CDH23: variants seen among roughly 807,000 people sequenced by gnomAD.
CDH23 encodes cadherin related 23.
In CDH23, 189 loss-of-function variants were observed where a neutral mutation model predicts 317.1. The observed-to-expected ratio is 0.60, with a 90% confidence interval of 0.53 to 0.67. The LOEUF (loss-of-function observed/expected upper bound fraction) is 0.67. Ranked by LOEUF, CDH23 falls within the 30% of genes least tolerant of loss-of-function variation. CDH23 has a pLI of 0.00. For missense variants in CDH23, 4,401 were observed against 4,592.4 expected (o/e 0.96, Z 1.20); for synonymous variants, 1,839 against 1,876.8 (o/e 0.98, Z 0.52).
intron 7 of CDH23, among the ~76,000 whole-genome samples, chr10:71,570,045 T>A (rs1238838006): frequency 6.6e-6 from 1 of 152,094 alleles, no homozygotes; most frequent in African/African-American, 2.4e-5. Flanking sequence ...GGACTACAGA[T>A]GCATCGTTGA....
chr10:71,635,467 C>T (rs921425024), intron 11 of CDH23, among the ~76,000 whole-genome samples: 1 of 152,178 alleles, frequency 6.6e-6, no homozygotes, highest in East Asian at 1.9e-4. Flanking sequence ...CAGCAAATTA[C>T]CCTTAAAGAG....
At chr10:71,665,907 G>C (rs1346953833) in intron 14 of CDH23, among the ~76,000 whole-genome samples, 4 of 152,214 alleles carry the variant, frequency 2.6e-5, no homozygotes, top group Non-Finnish European at 5.9e-5. Context: ...CAACAGGATA[G>C]CAAAGATGCG....
At chr10:71,694,110 C>T (rs1446712279) in intron 20 of CDH23, 37 bp from the exon 21 acceptor site, 2 of 1,559,240 alleles carry the variant, frequency 1.3e-6, no homozygotes, top group African/African-American at 1.4e-5. Context: ...CCTGGCCCAC[C>T]CAAACCCTCT....
intron 3 of CDH23, among the ~76,000 whole-genome samples, chr10:71,463,458 G>A (rs1480530277): frequency 6.6e-6 from 1 of 152,182 alleles, no homozygotes; most frequent in African/African-American, 2.4e-5. Context: ...ATGAACAATG[G>A]GTTGAGGGCC....
intron 38 of CDH23, chr10:71,750,161 C>A (rs1409048431): frequency 6.6e-6 from 1 of 152,160 alleles, no homozygotes; most frequent in Non-Finnish European, 1.5e-5. Flanking sequence ...GGCATGCCCA[C>A]AAGCAGGAGA....
At chr10:71,743,470 C>G (rs1329758313) in intron 38 of CDH23, among the ~76,000 whole-genome samples, 1 of 152,186 alleles carries the variant, frequency 6.6e-6, no homozygotes, top group Non-Finnish European at 1.5e-5. Context: ...AATCCCCACC[C>G]CACCACAACA....
chr10:71,447,740 G>A (rs1404762853), intron 3 of CDH23, among the ~76,000 whole-genome samples: 1 of 152,156 alleles, frequency 6.6e-6, no homozygotes, highest in Non-Finnish European at 1.5e-5. Context: ...GCATACCCAC[G>A]TCCCTTGGGG....
chr10:71,613,197 A>T (rs1390214863), intron 9 of CDH23, among the ~76,000 whole-genome samples: 1 of 152,270 alleles, frequency 6.6e-6, no homozygotes, highest in Non-Finnish European at 1.5e-5. Flanking sequence ...ATGAATGAAC[A>T]GATGAAAACA....
At chr10:71,728,116 C>T (rs902655585) in intron 30 of CDH23, among the ~76,000 whole-genome samples, 1 of 152,094 alleles carries the variant, frequency 6.6e-6, no homozygotes, top group African/African-American at 2.4e-5. Flanking sequence ...AAGGGTAAGG[C>T]GCACAGTTTT....
chr10:71,633,844 T>C (rs1862134029), intron 11 of CDH23, among the ~76,000 whole-genome samples: 1 of 152,094 alleles, frequency 6.6e-6, no homozygotes, highest in South Asian at 2.1e-4. Flanking sequence ...CCTCCACTCT[T>C]CTCAGCTCCC....
chr10:71,800,855 G>GC (rs1481029025), intron 53 of CDH23, 100 bp downstream of exon 53: 107 of 1,489,870 alleles, frequency 7.2e-5, no homozygotes, highest in Middle Eastern at 6.8e-4. Context: ...TGGGAGCAGA[G>GC]CCCCCCGGTC....
At chr10:71,455,875 G>A (rs1850670278) in intron 3 of CDH23, among the ~76,000 whole-genome samples, 1 of 152,192 alleles carries the variant, frequency 6.6e-6, no homozygotes, top group African/African-American at 2.4e-5. Context: ...TGGAGAAACT[G>A]AGGTGGAGAA....
In CDH23 at chr10:71,815,259, T is replaced by TGGAGAG. The variant is rs1842097409; in HGVS notation, c.10051_10052insGGGAGA (p.Glu3350_Ile3351insArgGlu). On this transcript the variant is annotated inframe_insertion, in exon 70 of 70. Coordinates refer to ENST00000224721, the MANE Select transcript of CDH23 (RefSeq NM_022124.6). ...CGCGACGTGATCATGGAGACCCCCCTGGAGATCACAGAGCTGTGACTAGAC... is the reference window on the plus strand; with the variant it reads ...CGCGACGTGATCATGGAGACCCCCCTGGAGAGGGAGATCACAGAGCTGTGACTAGAC... 2 of 1,577,384 alleles carry TGGAGAG rather than the reference T, an allele frequency of 1.3e-6. No individual in the cohort carries two copies. The highest frequency in any genetic ancestry group is 2.7e-5 in the African/African-American group (2 of 74,384).
chr10:71,742,767 T>C (rs1373259776), intron 38 of CDH23, among the ~76,000 whole-genome samples: 6 of 152,234 alleles, frequency 3.9e-5, no homozygotes, highest in African/African-American at 1.4e-4. Flanking sequence ...AGTTCTCTAT[T>C]GCCACAATAA....
At chr10:71,752,060 C>T in intron 38 of CDH23, 1 of 715,084 alleles carries the variant, frequency 1.4e-6, no homozygotes, top group Non-Finnish European at 2.5e-6. Context: ...CTGTCCTGAG[C>T]TGAGGGCATC....
intron 38 of CDH23, chr10:71,760,779 T>G: frequency 1.6e-6 from 2 of 1,276,462 alleles, no homozygotes; most frequent in Non-Finnish European, 2.3e-6. Context: ...CTTGGGGTGA[T>G]GAGGCCAGAG....
chr10:71,657,382 C>T (rs529445179), intron 14 of CDH23, among the ~76,000 whole-genome samples: 24 of 152,350 alleles, frequency 1.6e-4, no homozygotes, highest in East Asian at 3.9e-4. Flanking sequence ...GCTCCAAAAG[C>T]GTACCAATGC....
intron 6 of CDH23, among the ~76,000 whole-genome samples, chr10:71,565,272 C>T (rs1233673030): frequency 1.3e-5 from 2 of 152,052 alleles, no homozygotes; most frequent in East Asian, 3.9e-4. Flanking sequence ...AAGTTCTACC[C>T]CTAGGGCTGA....
intron 6 of CDH23, among the ~76,000 whole-genome samples, chr10:71,521,692 G>A (rs903019347): frequency 6.6e-6 from 1 of 152,242 alleles, no homozygotes; most frequent in South Asian, 2.1e-4. Flanking sequence ...AGCAAGCCAA[G>A]TGCTAGAGAT....
Sources: gnomAD v4.1 joint callset for allele counts (sites outside exome capture counted in the v4.1 genomes callset) on GRCh38, gnomAD v4.1.1 for gene constraint, MANE v1.5 for transcripts, NCBI Gene and HGNC (gene_info 2026-07-23, HGNC 2026-07-21) for gene names.